Variants in NFASC observed in about 807,000 individuals in gnomAD.
The protein encoded by NFASC is neurofascin.
NFASC carries 43 observed loss-of-function variants against 147.5 expected under a neutral mutation model. That is an observed-to-expected ratio of 0.29 (90% confidence interval 0.23 to 0.38). The LOEUF (loss-of-function observed/expected upper bound fraction) is 0.38. Among genes scored for constraint, NFASC ranks in the 10% least tolerant of loss-of-function variants. The probability of loss-of-function intolerance (pLI) is 1.00; values close to 1 mark genes in which losing one functional copy is unlikely to be tolerated. For missense variants in NFASC, 1,320 were observed against 1,689.0 expected (o/e 0.78, Z 3.83); for synonymous variants, 622 against 665.5 (o/e 0.93, Z 1.01).
intron 2 of NFASC, among the ~76,000 whole-genome samples, chr1:204,941,959 A>G (rs961963319): frequency 2.0e-5 from 3 of 152,162 alleles, no homozygotes; most frequent in African/African-American, 4.8e-5. Context: ...TAAAAAGCAC[A>G]TGATGGTCCA....
chr1:204,968,500 G>A lies in NFASC; in HGVS notation c.818+140G>A, dbSNP rs1301775069. 3.0e-6 allele frequency: 2 copies of A among 663,900 alleles called. No homozygotes were observed. Among genetic ancestry groups the A allele is most frequent in the Non-Finnish European group, 5.2e-6 (2 of 381,060 alleles). 41.1% of individuals were successfully genotyped at this position (663,900 alleles called of 1,614,324 possible). On this transcript the variant is annotated intron_variant, in intron 9 of 29. Transcript: ENST00000339876. This position sits in a 1 kb window ranked among gnomAD's most constrained non-coding sequence, Gnocchi z 5.4. ...AGAAGCAAACAGCCTCTAGTGAGCA[G>A]GGTGTTGCAAACCATAGTCATCTCC...
At chr1:204,957,873 C>T in intron 8 of NFASC, 47 bp downstream of exon 8, 1 of 1,566,958 alleles carries the variant, frequency 6.4e-7, no homozygotes, top group Non-Finnish European at 8.8e-7. Context: ...AGAAAGAAGC[C>T]CACTGATCCC....
chr1:204,953,184 T>C (rs2094224691), intron 5 of NFASC, among the ~76,000 whole-genome samples: 1 of 152,248 alleles, frequency 6.6e-6, no homozygotes, highest in Admixed American at 6.5e-5. Context: ...ATGTGAGGCC[T>C]TGGCTGCAGC....
chr1:204,974,488 T>G, intron 13 of NFASC, 169 bp from the exon 14 acceptor site: 2 of 899,822 alleles, frequency 2.2e-6, no homozygotes, highest in Non-Finnish European at 3.6e-6. Flanking sequence ...GATGGAGGCT[T>G]GCCAGGGCCA....
Position 204,987,260 on chromosome 1 carries a change from G to T in NFASC, c.2471-158G>T. Reference sequence around the variant, plus strand: ...CATCCTGGATGGGGCAATGGGCTCCGGTCGTCTCACGGTTCTCCCAGGCTT... The same window carrying T: ...CATCCTGGATGGGGCAATGGGCTCCTGTCGTCTCACGGTTCTCCCAGGCTT... On this transcript the variant is annotated intron_variant, in intron 21 of 29. Transcript: ENST00000339876. The surrounding 1 kb of genome is among the most constrained non-coding windows in gnomAD (Gnocchi z 4.4). 1 of 668,686 alleles carries T rather than the reference G, an allele frequency of 1.5e-6. No individual in the cohort carries two copies. Among genetic ancestry groups the T allele is most frequent in the South Asian group, 1.9e-5 (1 of 52,048 alleles). 41.4% of individuals were successfully genotyped at this position (668,686 alleles called of 1,614,324 possible). A position where few individuals can be genotyped will look rare whatever the true frequency, so the allele number is the denominator to read the frequency against.
chr1:204,865,915 A>G (rs932350375), intron 1 of NFASC, among the ~76,000 whole-genome samples: 2 of 152,196 alleles, frequency 1.3e-5, no homozygotes, highest in African/African-American at 4.8e-5. Context: ...GATTGTGCCA[A>G]TTTACCCTTC....
At chr1:204,988,285 G>A (rs953204531) in intron 22 of NFASC, among the ~76,000 whole-genome samples, 13 of 152,196 alleles carry the variant, frequency 8.5e-5, no homozygotes, top group African/African-American at 2.7e-4. Context: ...GCCTAGTGGC[G>A]TTGTCCTAGT....
intron 1 of NFASC, among the ~76,000 whole-genome samples, chr1:204,904,664 A>G (rs1227219591): frequency 5.9e-5 from 9 of 152,232 alleles, no homozygotes; most frequent in Non-Finnish European, 1.3e-4. Context: ...GAACAATGGA[A>G]TCCAATTAGA....
chr1:204,829,447 G>T (rs1671573547), intron 1 of NFASC, among the ~76,000 whole-genome samples: 1 of 151,970 alleles, frequency 6.6e-6, no homozygotes, highest in African/African-American at 2.4e-5. Flanking sequence ...GCTGTGTGGA[G>T]CCATACAGCC....
chr1:204,932,937 T>C (rs2092494701), intron 2 of NFASC, among the ~76,000 whole-genome samples: 1 of 152,134 alleles, frequency 6.6e-6, no homozygotes, highest in Non-Finnish European at 1.5e-5. Context: ...GGAGGAAAGA[T>C]CCTTCCAGGC....
chr1:204,918,860 A>G (rs1299077291), intron 1 of NFASC, among the ~76,000 whole-genome samples: 1 of 152,174 alleles, frequency 6.6e-6, no homozygotes, highest in African/African-American at 2.4e-5. Context: ...TGCTGGGATT[A>G]TAGGCATGAG....
At chr1:205,012,286 C>T (rs765643697) in intron 28 of NFASC, among the ~76,000 whole-genome samples, 3 of 152,210 alleles carry the variant, frequency 2.0e-5, no homozygotes, top group Non-Finnish European at 1.5e-5. Flanking sequence ...GAGACACTTT[C>T]CATCCCATAG....
chr1:204,856,885 A>G (rs765407223), intron 1 of NFASC, among the ~76,000 whole-genome samples: 1 of 152,246 alleles, frequency 6.6e-6, no homozygotes, highest in African/African-American at 2.4e-5. Context: ...ATAATATTCC[A>G]TCATAGGTAT....
chr1:204,899,976 G>A (rs190926496), intron 1 of NFASC, among the ~76,000 whole-genome samples: 18 of 152,290 alleles, frequency 1.2e-4, no homozygotes, highest in Admixed American at 1.0e-3. Flanking sequence ...AATATGTACT[G>A]TACTAAGTGG....
chr1:204,934,957 G>A (rs914839633), intron 2 of NFASC, among the ~76,000 whole-genome samples: 18 of 152,226 alleles, frequency 1.2e-4, no homozygotes, highest in Admixed American at 2.0e-4. Flanking sequence ...TGTGCTGGAC[G>A]TTGTGCAGGT....
chr1:204,993,176 A>G (rs897644156), intron 24 of NFASC, among the ~76,000 whole-genome samples: 2 of 152,098 alleles, frequency 1.3e-5, no homozygotes, highest in Middle Eastern at 3.4e-3. Flanking sequence ...CCTGGGCACT[A>G]TTTCCCCAAA....
chr1:204,945,075 A>T (rs1485669812), intron 3 of NFASC: 1 of 150,712 alleles, frequency 6.6e-6, no homozygotes, highest in Non-Finnish European at 1.5e-5. Flanking sequence ...TTATTTGACC[A>T]TCAGAATCAT....
At chr1:204,852,856 A>G (rs2075818772) in intron 1 of NFASC, among the ~76,000 whole-genome samples, 1 of 152,204 alleles carries the variant, frequency 6.6e-6, no homozygotes, top group Non-Finnish European at 1.5e-5. Context: ...GTCTTCAGTG[A>G]CATGAGAATT....
chr1:204,978,860 C>A, intron 17 of NFASC, 108 bp from the exon 18 acceptor site: 3 of 814,560 alleles, frequency 3.7e-6, no homozygotes, highest in Non-Finnish European at 3.9e-6. Flanking sequence ...GGGGTTGGAT[C>A]CAGCTGGTAG....
Sources: gnomAD v4.1 joint callset for allele counts (sites outside exome capture counted in the v4.1 genomes callset) on GRCh38, gnomAD v4.1.1 for gene constraint, Gnocchi (gnomAD v3.1) non-coding constraint, MANE v1.5 for transcripts, NCBI Gene and HGNC (gene_info 2026-07-23, HGNC 2026-07-21) for gene names.